SNTG2: variants seen among roughly 807,000 people sequenced by gnomAD.
SNTG2 encodes gamma-2-syntrophin.
SNTG2 carries 74 observed loss-of-function variants against 70.9 expected under a neutral mutation model. The observed-to-expected ratio is 1.04, with a 90% confidence interval of 0.86 to 1.27. SNTG2 has a LOEUF of 1.27. Ranked by LOEUF, SNTG2 falls within the 50% of genes most tolerant of loss-of-function variation. SNTG2 has a pLI of 0.00. For synonymous variants in SNTG2, 278 were observed against 273.8 expected (o/e 1.02, Z -0.15); for missense variants, 717 against 690.7 (o/e 1.04, Z -0.43).
chr2:1,132,432 A>G (rs1668085408), intron 4 of SNTG2, among the ~76,000 whole-genome samples: 1 of 152,196 alleles, frequency 6.6e-6, no homozygotes, highest in Non-Finnish European at 1.5e-5. Flanking sequence ...AGATCACCCC[A>G]GCTGCTCTTG....
chr2:1,267,516 C>T lies in SNTG2; in HGVS notation c.1229C>T (p.Ala410Val). Reference protein sequence around the residue: ...VFNVELGSELAMWEKSFQRAT... With the variant: ...VFNVELGSELVMWEKSFQRAT... ...AACGTGGAGCTTGGCAGCGAGCTGG[C>T]CATGTGGGAGAAGTCCTTCCAAAGA... Residue 410 changes from alanine (A) to valine (V), a missense_variant, in exon 14 of 17, where the codon GCC becomes GTC. Ala to Val is a moderately conservative substitution (Grantham distance 64). Transcript: ENST00000308624. 6.2e-7 allele frequency: 1 copy of T among 1,613,736 alleles called. No individual in the cohort carries two copies. The highest frequency in any genetic ancestry group is 1.1e-5 in the South Asian group (1 of 91,060).
intron 8 of SNTG2, among the ~76,000 whole-genome samples, chr2:1,208,254 T>A (rs921731490): frequency 1.4e-4 from 10 of 74,054 alleles, no homozygotes; most frequent in Admixed American, 5.4e-4. Context: ...CACCTGTGAG[T>A]GTGAGGCACG....
intron 13 of SNTG2, chr2:1,262,787 G>GCAACCCGAAGGC (rs1421013637): frequency 2.0e-5 from 3 of 151,394 alleles, no homozygotes; most frequent in South Asian, 2.1e-4. Context: ...TGCAGACGAG[G>GCAACCCGAAGGC]TAACCGGAAG....
chr2:1,181,776 G>A (rs961411214), intron 8 of SNTG2, among the ~76,000 whole-genome samples: 4 of 152,082 alleles, frequency 2.6e-5, no homozygotes, highest in Non-Finnish European at 5.9e-5. Flanking sequence ...AAGCTTGCAG[G>A]GAGCTTTTGT....
intron 6 of SNTG2, among the ~76,000 whole-genome samples, chr2:1,162,824 G>GAC (rs1670417179): frequency 6.6e-6 from 1 of 152,178 alleles, no homozygotes; most frequent in African/African-American, 2.4e-5. Context: ...GTTAAGCTTT[G>GAC]ACACTTTCTG....
chr2:1,288,193 G>A (rs76188338), intron 14 of SNTG2, among the ~76,000 whole-genome samples: 6,407 of 152,170 alleles, frequency 0.042, 443 homozygotes, highest in African/African-American at 0.15. Flanking sequence ...TTTTTTGGGC[G>A]GCACTTATGT....
intron 8 of SNTG2, among the ~76,000 whole-genome samples, chr2:1,197,152 C>G (rs1484093453): frequency 6.6e-6 from 1 of 152,018 alleles, no homozygotes; most frequent in Admixed American, 6.6e-5. Flanking sequence ...TTAAATTTCC[C>G]ACTTAAAAGA....
intron 1 of SNTG2, among the ~76,000 whole-genome samples, chr2:955,560 A>G (rs958048635): frequency 2.0e-5 from 3 of 152,240 alleles, no homozygotes; most frequent in East Asian, 1.9e-4. Flanking sequence ...CTTCATCAAA[A>G]TAGTTTAAAT....
rs141857166 is a variant in SNTG2, at chr2:1,122,618, A to G, written c.326-15004A>G. 1.1e-3 allele frequency among the ~76,000 whole-genome samples: 168 copies of G among 152,156 alleles called. 1 individual carries two copies. The highest frequency in any genetic ancestry group is 3.9e-3 in the African/African-American group (163 of 41,542). On this transcript the variant is annotated intron_variant, in intron 4 of 16. Coordinates refer to ENST00000308624, the MANE Select transcript of SNTG2 (RefSeq NM_018968.4). ...ATTCCTAGCTAGCATTATAATCAATATGAACAAACGCTTTAACATTAAGAT... is the reference window on the plus strand; with the variant it reads ...ATTCCTAGCTAGCATTATAATCAATGTGAACAAACGCTTTAACATTAAGAT...
At chr2:1,174,186 C>T (rs2147887355) in intron 8 of SNTG2, among the ~76,000 whole-genome samples, 1 of 152,244 alleles carries the variant, frequency 6.6e-6, no homozygotes, top group African/African-American at 2.4e-5. Flanking sequence ...CCCTAGCTTT[C>T]CATCTGTGCA....
At position 1,222,119 on chromosome 2, in the gene SNTG2, C is replaced by CTCTCTGTCTCTGCCTATCTCTCTCTCTG. The variant is rs1324021158; in HGVS notation, c.719+12900_719+12901insGCCTATCTCTCTCTCTGTCTCTGTCTCT. 1.9e-5 allele frequency among the ~76,000 whole-genome samples: 2 copies of CTCTCTGTCTCTGCCTATCTCTCTCTCTG among 107,672 alleles called. 1 individual carries two copies. Among genetic ancestry groups the CTCTCTGTCTCTGCCTATCTCTCTCTCTG allele is most frequent in the African/African-American group, 9.3e-5 (2 of 21,590 alleles). The allele number at this position is 107,672 out of a possible 152,430, so 70.6% of individuals were successfully genotyped here. On this transcript the variant is annotated intron_variant, in intron 9 of 16. Transcript: ENST00000308624. Reference sequence around the variant, plus strand: ...TGTCTCTCTCTGTCTCTCTCTGTCTCTCTCTGTCTCTCTCTGTCTCTCTCT... The same window carrying CTCTCTGTCTCTGCCTATCTCTCTCTCTG: ...TGTCTCTCTCTGTCTCTCTCTGTCTCTCTCTGTCTCTGCCTATCTCTCTCTCTGTCTCTGTCTCTCTCTGTCTCTCTCT...
intron 9 of SNTG2, among the ~76,000 whole-genome samples, chr2:1,223,259 T>C (rs1553363157): frequency 3.2e-4 from 28 of 87,312 alleles, no homozygotes; most frequent in Middle Eastern, 8.5e-3. Flanking sequence ...TAGAGGAAAG[T>C]GGTGCAGTGA....
intron 1 of SNTG2, among the ~76,000 whole-genome samples, chr2:988,599 C>A (rs1340259850): frequency 2.0e-5 from 3 of 152,100 alleles, no homozygotes; most frequent in Non-Finnish European, 4.4e-5. Context: ...CAGGCTTAGG[C>A]AGTTGTGAAT....
At chr2:1,287,205 C>T (rs1656884192) in intron 14 of SNTG2, among the ~76,000 whole-genome samples, 1 of 152,202 alleles carries the variant, frequency 6.6e-6, no homozygotes, top group African/African-American at 2.4e-5. Flanking sequence ...TTGTTATCCA[C>T]ATTTAAGGAA....
chr2:1,049,706 G>A (rs1014953167), intron 1 of SNTG2, among the ~76,000 whole-genome samples: 2 of 152,194 alleles, frequency 1.3e-5, no homozygotes, highest in African/African-American at 2.4e-5. Context: ...TTAGTTTTGT[G>A]AGAGACTGCC....
At chr2:1,269,973 C>T (rs149133586) in intron 14 of SNTG2, among the ~76,000 whole-genome samples, 85 of 152,212 alleles carry the variant, frequency 5.6e-4, no homozygotes, top group African/African-American at 1.9e-3. Context: ...GGGGCCGTGC[C>T]ATGCTGCCCA....
At chr2:1,040,572 G>A (rs553029039) in intron 1 of SNTG2, among the ~76,000 whole-genome samples, 50 of 152,280 alleles carry the variant, frequency 3.3e-4, no homozygotes, top group African/African-American at 1.2e-3. Context: ...GGCCATTGCC[G>A]AAATCCACAT....
intron 16 of SNTG2, among the ~76,000 whole-genome samples, chr2:1,365,857 G>A (rs892133392): frequency 1.3e-5 from 2 of 152,178 alleles, no homozygotes; most frequent in African/African-American, 4.8e-5. Flanking sequence ...ACGTCTTTGA[G>A]TTATAAAGAA....
At position 1,237,880 on chromosome 2, in the gene SNTG2, C is replaced by T. The variant is rs1335070153; in HGVS notation, c.720-8C>T. On this transcript the variant is annotated splice_region_variant and splice_polypyrimidine_tract_variant and intron_variant, in intron 9 of 16. Coordinates refer to ENST00000308624, the MANE Select transcript of SNTG2 (RefSeq NM_018968.4). ...CGGGGCCTCCTGGACAGCTCTCTCC[C>T]TCCCCAGGTGGAATGCGTTCGAGGT... is the stretch of plus-strand genomic sequence containing the variant. The T allele has an allele frequency of 7.5e-6, 12 of 1,596,628 alleles. No homozygotes were observed. In the Admixed American group the frequency reaches 1.7e-4, roughly 23 times the overall value.
Sources: gnomAD v4.1 joint callset for allele counts (sites outside exome capture counted in the v4.1 genomes callset) on GRCh38, gnomAD v4.1.1 for gene constraint, MANE v1.5 for transcripts, NCBI Gene and HGNC (gene_info 2026-07-23, HGNC 2026-07-21) for gene names.